HPSE2: variants seen among roughly 807,000 people sequenced by gnomAD.
The protein encoded by HPSE2 is inactive heparanase-2.
Under a neutral mutation model 60.5 loss-of-function variants are expected in HPSE2, and 38 were observed. The ratio of observed to expected loss-of-function variants is 0.63; its 90% CI spans 0.48 to 0.82. HPSE2 has a LOEUF of 0.82. Ranked by LOEUF, HPSE2 falls within the 40% of genes least tolerant of loss-of-function variation. The pLI, the probability that HPSE2 is intolerant of heterozygous loss-of-function variation, is 0.00. For synonymous variants in HPSE2, 295 were observed against 293.2 expected (o/e 1.01, Z -0.06); for missense variants, 713 against 740.4 (o/e 0.96, Z 0.43).
Position 98,641,830 on chromosome 10 carries a change from A to G in HPSE2, c.1098+17T>C, listed in dbSNP as rs1946645865. 1 of 1,580,702 alleles carries G rather than the reference A, an allele frequency of 6.3e-7. No individual in the cohort carries two copies. Among genetic ancestry groups the G allele is most frequent in the Non-Finnish European group, 8.7e-7 (1 of 1,149,762 alleles). On this transcript the variant is annotated intron_variant, in intron 7 of 11. Coordinates refer to ENST00000370552, the MANE Select transcript of HPSE2 (RefSeq NM_021828.5). ...CCCCAGAATCGCTCCTTTTCTTCCC[A>G]GGATACTTTTACTCACTTTCTGAAT...
At chr10:98,675,889 A>T (rs1010266735) in intron 6 of HPSE2, among the ~76,000 whole-genome samples, 6 of 151,908 alleles carry the variant, frequency 3.9e-5, no homozygotes, top group Non-Finnish European at 5.9e-5. Flanking sequence ...AACATTTTTT[A>T]AAAAATTAGC....
At chr10:98,959,385 G>A (rs1301554662) in intron 3 of HPSE2, among the ~76,000 whole-genome samples, 2 of 146,248 alleles carry the variant, frequency 1.4e-5, no homozygotes, top group East Asian at 4.0e-4. Context: ...AAAAAGGCCA[G>A]TGGATAGGAG....
chr10:98,461,012 G>C (rs759262466), intron 11 of HPSE2, among the ~76,000 whole-genome samples: 4 of 152,272 alleles, frequency 2.6e-5, no homozygotes, highest in Non-Finnish European at 4.4e-5. Flanking sequence ...AGTGATGACT[G>C]TTTCTGGGCC....
intron 6 of HPSE2, among the ~76,000 whole-genome samples, chr10:98,685,313 T>G (rs1238066464): frequency 6.6e-6 from 1 of 152,190 alleles, no homozygotes; most frequent in Non-Finnish European, 1.5e-5. Flanking sequence ...CTTAAGCATA[T>G]CATTTGATAA....
At chr10:99,129,403 A>C (rs1845293685) in intron 3 of HPSE2, among the ~76,000 whole-genome samples, 1 of 152,222 alleles carries the variant, frequency 6.6e-6, no homozygotes, top group African/African-American at 2.4e-5. Flanking sequence ...GTCTCAATAC[A>C]TTTTTTAAAA....
intron 3 of HPSE2, among the ~76,000 whole-genome samples, chr10:98,747,127 T>C (rs1191577941): frequency 6.6e-6 from 1 of 152,024 alleles, no homozygotes; most frequent in Non-Finnish European, 1.5e-5. Context: ...CATTTTTAAG[T>C]CCTCTATTAT....
At chr10:98,576,753 C>A (rs1564982361) in intron 9 of HPSE2, among the ~76,000 whole-genome samples, 1 of 152,074 alleles carries the variant, frequency 6.6e-6, no homozygotes, top group Non-Finnish European at 1.5e-5. Context: ...CCGCCCCCAA[C>A]ACAGTCTGAG....
At chr10:98,991,347 A>C (rs888016460) in intron 3 of HPSE2, among the ~76,000 whole-genome samples, 6 of 152,328 alleles carry the variant, frequency 3.9e-5, no homozygotes, top group African/African-American at 9.6e-5. Context: ...AGGAAATGAG[A>C]AACCACACAG....
At chr10:98,851,928 G>A (rs910442035) in intron 3 of HPSE2, among the ~76,000 whole-genome samples, 6 of 152,112 alleles carry the variant, frequency 3.9e-5, no homozygotes, top group African/African-American at 1.4e-4. Flanking sequence ...AACAGATACT[G>A]TAATTAGGAG....
At chr10:98,884,511 A>T (rs1385089267) in intron 3 of HPSE2, among the ~76,000 whole-genome samples, 1 of 152,132 alleles carries the variant, frequency 6.6e-6, no homozygotes, top group Middle Eastern at 3.2e-3. Flanking sequence ...TTAAGTTGAA[A>T]CCAGTGCTCA....
chr10:99,176,650 G>A (rs576590515), intron 2 of HPSE2, among the ~76,000 whole-genome samples: 22 of 152,260 alleles, frequency 1.4e-4, no homozygotes, highest in Non-Finnish European at 3.2e-4. Flanking sequence ...AGTTTGATTG[G>A]TGTACCTGAA....
chr10:98,580,122 A>T (rs79096617), intron 9 of HPSE2, among the ~76,000 whole-genome samples: 3 of 152,188 alleles, frequency 2.0e-5, no homozygotes, highest in Admixed American at 6.5e-5. Flanking sequence ...GAGAAAGTTG[A>T]TGCCAATCTT....
rs543941792 is a variant in HPSE2, at chr10:98,879,992, C to A, written c.611-135936G>T. Among the ~76,000 whole-genome samples the A allele has an allele frequency of 2.5e-4, 38 of 151,924 alleles. No individual in the cohort carries two copies. In the South Asian group the frequency reaches 6.2e-3, roughly 25 times the overall value. ...GCCTTCAGTCTTTCACTTGCTGAAG[C>A]TGCAGTGCTGCTCTATTCTGATGTT... On this transcript the variant is annotated intron_variant, in intron 3 of 11. Coordinates refer to ENST00000370552, the MANE Select transcript of HPSE2 (RefSeq NM_021828.5).
intron 11 of HPSE2, among the ~76,000 whole-genome samples, chr10:98,475,828 C>T (rs1028788761): frequency 3.3e-5 from 5 of 152,118 alleles, no homozygotes; most frequent in Non-Finnish European, 7.3e-5. Context: ...AGAAGTAGCT[C>T]AGAGAAGAAC....
intron 3 of HPSE2, among the ~76,000 whole-genome samples, chr10:98,991,322 T>C (rs966305539): frequency 6.6e-6 from 1 of 152,112 alleles, no homozygotes; most frequent in African/African-American, 2.4e-5. Context: ...CTCTGATATA[T>C]GAACAGATGC....
chr10:98,502,239 C>G (rs1005038760), intron 9 of HPSE2, among the ~76,000 whole-genome samples: 1 of 152,114 alleles, frequency 6.6e-6, no homozygotes, highest in African/African-American at 2.4e-5. Flanking sequence ...TGCATAGCCA[C>G]AGCAAGACTA....
At chr10:98,884,389 G>A (rs1315819868) in intron 3 of HPSE2, among the ~76,000 whole-genome samples, 1 of 152,024 alleles carries the variant, frequency 6.6e-6, no homozygotes, top group Non-Finnish European at 1.5e-5. Context: ...GCCTTCTATT[G>A]GAAGAAAATG....
intron 3 of HPSE2, among the ~76,000 whole-genome samples, chr10:98,944,082 A>C (rs1326530685): frequency 6.6e-6 from 1 of 152,220 alleles, no homozygotes; most frequent in Non-Finnish European, 1.5e-5. Flanking sequence ...GAGAGGGAGC[A>C]GCTAGAGGTA....
intron 3 of HPSE2, among the ~76,000 whole-genome samples, chr10:98,858,751 A>G (rs1356519420): frequency 6.6e-6 from 1 of 152,212 alleles, no homozygotes; most frequent in Non-Finnish European, 1.5e-5. Context: ...TGGGGCTGCT[A>G]GAAGAAATAG....
Sources: allele counts gnomAD v4.1 joint callset (sites outside exome capture counted in the v4.1 genomes callset), GRCh38; gene constraint gnomAD v4.1.1; transcripts MANE v1.5; gene names NCBI Gene and HGNC (gene_info 2026-07-23, HGNC 2026-07-21).